PARD3: variants seen among roughly 807,000 people sequenced by gnomAD.
PARD3 encodes par-3 family cell polarity regulator.
PARD3 carries 75 observed loss-of-function variants against 155.4 expected under a neutral mutation model. The observed-to-expected ratio is 0.48, with a 90% CI of 0.40 to 0.58. The LOEUF is 0.58. PARD3 is among the 20% of genes least tolerant of loss of function. The pLI is 0.00. For synonymous variants in PARD3, 576 were observed against 610.5 expected (o/e 0.94, Z 0.83); for missense variants, 1,642 against 1,721.7 (o/e 0.95, Z 0.82).
chr10:34,734,154 T>TA (rs1450727833), intron 1 of PARD3, among the ~76,000 whole-genome samples: 2 of 151,952 alleles, frequency 1.3e-5, no homozygotes, highest in Admixed American at 6.6e-5. Flanking sequence ...AAAAATCCTT[T>TA]AAAAAACTTT....
chr10:34,669,618 A>G (rs2093571553), intron 2 of PARD3, among the ~76,000 whole-genome samples: 1 of 152,162 alleles, frequency 6.6e-6, no homozygotes, highest in African/African-American at 2.4e-5. Flanking sequence ...AAAAACAGAA[A>G]AAATTACCTT....
chr10:34,135,888 A>T (rs764047070), intron 22 of PARD3, among the ~76,000 whole-genome samples: 4 of 152,250 alleles, frequency 2.6e-5, no homozygotes. Context: ...TACTGCAGGT[A>T]TATGGACAAC....
intron 2 of PARD3, among the ~76,000 whole-genome samples, chr10:34,559,463 A>C (rs1229680263): frequency 6.9e-6 from 1 of 144,030 alleles, no homozygotes; most frequent in Non-Finnish European, 1.5e-5. Flanking sequence ...AAAAAAAAAA[A>C]AGAAAAGAAA....
rs538459721 is a variant in PARD3 at position 34,125,055 on chromosome 10, C to A, written c.3541-5315G>T. On this transcript the variant is annotated intron_variant, in intron 23 of 24. Transcript: ENST00000374788. Reference sequence around the variant, plus strand: ...GCACCTCTCTGCAGATGGCTTATCTCCAGGTCTATTTCTTTCTTTTTTTTT... The same window carrying A: ...GCACCTCTCTGCAGATGGCTTATCTACAGGTCTATTTCTTTCTTTTTTTTT... Among the ~76,000 whole-genome samples the A allele has an allele frequency of 2.5e-3, 371 of 148,850 alleles. 2 individuals carry two copies. Among genetic ancestry groups the A allele is most frequent in the African/African-American group, 9.3e-3 (358 of 38,510 alleles).
chr10:34,275,622 C>CA (rs1332506607), intron 21 of PARD3, among the ~76,000 whole-genome samples: 1 of 151,974 alleles, frequency 6.6e-6, no homozygotes, highest in Admixed American at 6.6e-5. Flanking sequence ...CTAACACGAC[C>CA]AAAAGGTTAT....
intron 7 of PARD3, among the ~76,000 whole-genome samples, chr10:34,392,922 G>A (rs1240859034): frequency 1.3e-5 from 2 of 152,036 alleles, no homozygotes; most frequent in East Asian, 3.9e-4. Flanking sequence ...TGGTTCCCTA[G>A]GGCAAGGGCT....
intron 2 of PARD3, among the ~76,000 whole-genome samples, chr10:34,691,548 C>T (rs2094062297): frequency 6.6e-6 from 1 of 152,194 alleles, no homozygotes; most frequent in African/African-American, 2.4e-5. Flanking sequence ...AATGCTACCC[C>T]TATCAAACTA....
chr10:34,515,842 ATAT>A (rs1447850511), intron 3 of PARD3, among the ~76,000 whole-genome samples: 11 of 152,022 alleles, frequency 7.2e-5, no homozygotes, highest in Non-Finnish European at 8.8e-5. Flanking sequence ...TTATTAACAC[ATAT>A]TATTACCCAT....
intron 21 of PARD3, among the ~76,000 whole-genome samples, chr10:34,270,384 C>G (rs959065058): frequency 6.6e-6 from 1 of 152,054 alleles, no homozygotes; most frequent in Non-Finnish European, 1.5e-5. Flanking sequence ...CTCCAGTGAT[C>G]CTCCTGCCTC....
chr10:34,640,761 C>T (rs1016070784), intron 2 of PARD3, among the ~76,000 whole-genome samples: 1 of 105,256 alleles, frequency 9.5e-6, no homozygotes, highest in Non-Finnish European at 1.9e-5. Flanking sequence ...CACAATTTGA[C>T]AACACCTATC....
At chr10:34,689,299 T>C (rs1357089322) in intron 2 of PARD3, among the ~76,000 whole-genome samples, 5 of 152,116 alleles carry the variant, frequency 3.3e-5, no homozygotes, top group East Asian at 1.9e-4. Context: ...CATCACACGA[T>C]CCCTCAGTCT....
chr10:34,727,998 A>G (rs1003466458), intron 1 of PARD3, among the ~76,000 whole-genome samples: 3 of 152,058 alleles, frequency 2.0e-5, no homozygotes, highest in Non-Finnish European at 2.9e-5. Flanking sequence ...AACATTCAAC[A>G]TGTCAACCCG....
intron 2 of PARD3, among the ~76,000 whole-genome samples, chr10:34,581,956 A>G (rs1007898424): frequency 2.0e-5 from 3 of 152,374 alleles, no homozygotes; most frequent in East Asian, 3.9e-4. Flanking sequence ...TTCACAACAC[A>G]GCAAGCTGTT....
rs35834725 is a variant in PARD3 at position 34,776,835 on chromosome 10, T to TGG, written c.120+38039_120+38040dup. ...AAGTATTTTCAGTCGTGTTTTTTTG[T>TGG]GGGGGGGGGGGGCGGGTGGGGGATG... On this transcript the variant is annotated intron_variant, in intron 1 of 24. Transcript: ENST00000374788. 1.2e-3 allele frequency among the ~76,000 whole-genome samples: 77 copies of TGG among 64,604 alleles called. 1 individual carries two copies. The highest frequency in any genetic ancestry group is 1.6e-3 in the South Asian group (2 of 1,266). The allele number at this position is 64,604 out of a possible 152,430, so 42.4% of individuals were successfully genotyped here.
At chr10:34,294,994 G>A (rs532557105) in intron 20 of PARD3, among the ~76,000 whole-genome samples, 1 of 152,176 alleles carries the variant, frequency 6.6e-6, no homozygotes, top group East Asian at 1.9e-4. Flanking sequence ...CTTAGGACAG[G>A]AGTTCAAGAC....
chr10:34,812,976 A>G (rs1262228621), intron 1 of PARD3, among the ~76,000 whole-genome samples: 1 of 152,074 alleles, frequency 6.6e-6, no homozygotes, highest in African/African-American at 2.4e-5. Context: ...TCTTCTCCCC[A>G]TGTCATCACC....
At chr10:34,684,872 C>CACAGAT (rs1554810245) in intron 2 of PARD3, among the ~76,000 whole-genome samples, 1 of 95,894 alleles carries the variant, frequency 1.0e-5, no homozygotes, top group Non-Finnish European at 2.1e-5. Context: ...TATATATACA[C>CACAGAT]ACACATACAC....
intron 22 of PARD3, among the ~76,000 whole-genome samples, chr10:34,252,029 A>T (rs1178253037): frequency 1.3e-5 from 2 of 152,334 alleles, no homozygotes; most frequent in Middle Eastern, 3.4e-3. Flanking sequence ...ACGGATGATA[A>T]CATTTTTAAA....
chr10:34,513,595 T>C (rs1288922380), intron 3 of PARD3, among the ~76,000 whole-genome samples: 3 of 152,078 alleles, frequency 2.0e-5, no homozygotes, highest in Non-Finnish European at 4.4e-5. Context: ...TTATCTTACT[T>C]AACTTTCTCA....
Sources: allele counts gnomAD v4.1 joint callset (sites outside exome capture counted in the v4.1 genomes callset), GRCh38; gene constraint gnomAD v4.1.1; transcripts MANE v1.5; gene names NCBI Gene and HGNC (gene_info 2026-07-23, HGNC 2026-07-21).